Variants in BIN3 observed in about 807,000 individuals in gnomAD.
The protein encoded by BIN3 is bridging integrator 3.
A neutral mutation model predicts 38.2 loss-of-function variants in BIN3; 41 were observed. The observed-to-expected ratio is 1.07, with a 90% CI of 0.84 to 1.39. The LOEUF is 1.39. BIN3 is among the 40% of genes most tolerant of loss of function. The pLI, the probability that BIN3 is intolerant of heterozygous loss-of-function variation, is 0.00. For synonymous variants in BIN3, 145 were observed against 122.6 expected (o/e 1.18, Z -1.21); for missense variants, 361 against 324.3 (o/e 1.11, Z -0.87).
intron 1 of BIN3, among the ~76,000 whole-genome samples, chr8:22,657,461 C>G (rs554958022): frequency 6.6e-6 from 1 of 152,248 alleles, no homozygotes; most frequent in African/African-American, 2.4e-5. Flanking sequence ...GGAGTGGGCC[C>G]TTGGCCTTGA....
chr8:22,628,868 C>A (rs1436528897), intron 6 of BIN3, among the ~76,000 whole-genome samples: 1 of 152,210 alleles, frequency 6.6e-6, no homozygotes, highest in Non-Finnish European at 1.5e-5. Flanking sequence ...CCACGGAGCT[C>A]TTTCTGCACC....
At chr8:22,668,811 C>T (rs945818214) in intron 1 of BIN3, among the ~76,000 whole-genome samples, 2 of 152,220 alleles carry the variant, frequency 1.3e-5, no homozygotes, top group Non-Finnish European at 2.9e-5. Context: ...ACGGGTCAGA[C>T]GCGGAGTCCC....
At chr8:22,663,132 C>T (rs912674676) in intron 1 of BIN3, among the ~76,000 whole-genome samples, 41 of 150,228 alleles carry the variant, frequency 2.7e-4, no homozygotes, top group African/African-American at 8.6e-4. Context: ...AAACGAAAAA[C>T]CATGAACAAG....
rs762049020 is a variant in BIN3, at chr8:22,621,454, GCTCA to G, written c.726_729del (p.Glu243SerfsTer34). The G allele has an allele frequency of 8.1e-6, 13 of 1,613,662 alleles. No individual in the cohort carries two copies. The highest frequency in any genetic ancestry group is 3.3e-5 in the Admixed American group (2 of 59,982). Reference sequence around the variant, plus strand: ...TCGGCCACAATGGAGAGGGCCCGGAGCTCACTGAGTTTGGCCTCGTTCTCCCGCT... The same window carrying G: ...TCGGCCACAATGGAGAGGGCCCGGAGCTGAGTTTGGCCTCGTTCTCCCGCT... On this transcript the variant is annotated frameshift_variant, in exon 9 of 9. Transcript: ENST00000276416. LOFTEE classifies it high-confidence loss of function.
In BIN3 at chr8:22,637,074, TG is replaced by T. The variant is rs1224742563; in HGVS notation, c.58-113del. ...CTGCCCCAGTCCGCAGAAAACAACA[TG>T]GTCCAGTTCACACAAGCACCGACAG... On this transcript the variant is annotated intron_variant, in intron 2 of 8. Transcript: ENST00000276416. The T allele has an allele frequency of 4.3e-6, 4 of 923,416 alleles. No homozygotes were observed. The African/African-American group carries it at 6.5e-5, about 15-fold the overall frequency. 57.2% of individuals were successfully genotyped at this position (923,416 alleles called of 1,614,324 possible). A position where few individuals can be genotyped will look rare whatever the true frequency, so the allele number is the denominator to read the frequency against.
intron 2 of BIN3, 89 bp from the exon 3 acceptor site, chr8:22,637,051 GC>G: frequency 8.6e-7 from 1 of 1,160,182 alleles, no homozygotes; most frequent in Non-Finnish European, 1.3e-6. Context: ...TCCACACCCT[GC>G]CCCAGTCCGC....
chr8:22,646,159 T>C (rs1472110655), intron 1 of BIN3, among the ~76,000 whole-genome samples: 1 of 152,166 alleles, frequency 6.6e-6, no homozygotes, highest in Non-Finnish European at 1.5e-5. Flanking sequence ...GCACTGAGCA[T>C]TCTATGATTC....
At chr8:22,636,983 CA>C in intron 2 of BIN3, 21 bp from the exon 3 acceptor site, 2 of 1,610,282 alleles carry the variant, frequency 1.2e-6, no homozygotes, top group Non-Finnish European at 8.5e-7. Flanking sequence ...AGAGATAACT[CA>C]ATTATCGGAG....
rs367825147 is a variant in BIN3 at position 22,621,398 on chromosome 8, G to A, written c.*24C>T. On this transcript the variant is annotated 3_prime_UTR_variant, in exon 9 of 9. Coordinates refer to ENST00000276416, the MANE Select transcript of BIN3 (RefSeq NM_018688.6). ...ATGAATGAGGCTGACCACGTCACAG[G>A]AGTCCTCCAAGAGTGACGGGGATTC... The A allele has an allele frequency of 2.5e-6, 4 of 1,606,352 alleles. No homozygotes were observed. The highest frequency in any genetic ancestry group is 2.5e-6 in the Non-Finnish European group (3 of 1,176,618).
chr8:22,625,426 T>C (rs1407652770), intron 6 of BIN3: 2 of 702,456 alleles, frequency 2.8e-6, no homozygotes. Flanking sequence ...GACATTTTTA[T>C]GAGGAACCCA....
intron 1 of BIN3, 171 bp from the exon 2 acceptor site, chr8:22,644,974 G>C (rs752410094): frequency 1.7e-5 from 10 of 580,828 alleles, no homozygotes; most frequent in East Asian, 8.9e-5. Context: ...ATCTGGGCTT[G>C]GTTCTAAGAG....
At chr8:22,624,120 G>T (rs1801931294) in intron 7 of BIN3, 71 bp from the exon 8 acceptor site, 2 of 634,090 alleles carry the variant, frequency 3.2e-6, no homozygotes, top group Admixed American at 1.9e-5. Flanking sequence ...GTGGGGTGGG[G>T]ACGTCTGGTG....
chr8:22,655,178 T>C (rs1329890824), intron 1 of BIN3, among the ~76,000 whole-genome samples: 2 of 152,256 alleles, frequency 1.3e-5, no homozygotes, highest in African/African-American at 4.8e-5. Context: ...GTTCTTTATA[T>C]ATTCTGGGTA....
chr8:22,645,822 AAC>A (rs1336132001), intron 1 of BIN3, among the ~76,000 whole-genome samples: 3 of 152,282 alleles, frequency 2.0e-5, no homozygotes, highest in Admixed American at 2.0e-4. Flanking sequence ...GTTAATAAAT[AAC>A]AGAGGCATTA....
chr8:22,661,679 CTTAT>C (rs1021422209), intron 1 of BIN3, among the ~76,000 whole-genome samples: 2 of 151,972 alleles, frequency 1.3e-5, no homozygotes, highest in Admixed American at 1.3e-4. Flanking sequence ...GTGTATCACT[CTTAT>C]TTATTTGAAT....
chr8:22,656,225 T>TG (rs1156242994), intron 1 of BIN3, among the ~76,000 whole-genome samples: 5 of 131,720 alleles, frequency 3.8e-5, no homozygotes, highest in Non-Finnish European at 1.6e-5. Context: ...TCTTAAGGGT[T>TG]TTTTTTTTTT....
chr8:22,668,839 C>T (rs906933664), intron 1 of BIN3, among the ~76,000 whole-genome samples: 1 of 152,244 alleles, frequency 6.6e-6, no homozygotes, highest in East Asian at 1.9e-4. Flanking sequence ...GAGGATCATC[C>T]GCCACTCTCC....
chr8:22,627,117 C>T (rs985160245), intron 6 of BIN3, among the ~76,000 whole-genome samples: 26 of 152,216 alleles, frequency 1.7e-4, no homozygotes, highest in Admixed American at 1.7e-3. Context: ...TGACAGCACC[C>T]CTTAGCCACC....
chr8:22,661,352 C>CTATTT (rs1803230302), intron 1 of BIN3, among the ~76,000 whole-genome samples: 1 of 84,448 alleles, frequency 1.2e-5, no homozygotes, highest in South Asian at 4.3e-4. Context: ...ATGTATCATT[C>CTATTT]TTTTTTTTTT....
Sources: gnomAD v4.1 joint callset for allele counts (sites outside exome capture counted in the v4.1 genomes callset) on GRCh38, gnomAD v4.1.1 for gene constraint, MANE v1.5 for transcripts, NCBI Gene and HGNC (gene_info 2026-07-23, HGNC 2026-07-21) for gene names.